CLPB: variants seen among roughly 807,000 people sequenced by gnomAD.
The protein encoded by CLPB is ClpB family mitochondrial disaggregase.
A neutral mutation model predicts 78.4 loss-of-function variants in CLPB; 40 were observed. The ratio of observed to expected loss-of-function variants is 0.51; its 90% CI spans 0.40 to 0.66. The LOEUF is 0.66. Ranked by LOEUF, CLPB falls within the 30% of genes least tolerant of loss-of-function variation. The pLI is 0.00. For synonymous variants in CLPB, 333 were observed against 348.0 expected (o/e 0.96, Z 0.48); for missense variants, 780 against 886.9 (o/e 0.88, Z 1.53).
At chr11:72,377,185 T>C (rs1399737002) in intron 4 of CLPB, among the ~76,000 whole-genome samples, 1 of 152,100 alleles carries the variant, frequency 6.6e-6, no homozygotes, top group Non-Finnish European at 1.5e-5. Context: ...GAATGGAGGA[T>C]GGAAAAGAAT....
intron 4 of CLPB, among the ~76,000 whole-genome samples, chr11:72,366,189 A>G (rs1301407129): frequency 6.6e-6 from 1 of 152,010 alleles, no homozygotes; most frequent in Non-Finnish European, 1.5e-5. Flanking sequence ...TCCAGAATCT[A>G]TAAGGAACTT....
At chr11:72,362,188 G>T (rs1174834477) in intron 4 of CLPB, among the ~76,000 whole-genome samples, 2 of 152,274 alleles carry the variant, frequency 1.3e-5, no homozygotes, top group South Asian at 4.2e-4. Flanking sequence ...ACAGCGCTAG[G>T]CCTCTGATTA....
At chr11:72,416,660 C>T (rs531597054) in intron 2 of CLPB, among the ~76,000 whole-genome samples, 42 of 147,420 alleles carry the variant, frequency 2.8e-4, no homozygotes, top group African/African-American at 1.0e-3. Flanking sequence ...CGCTTGAACC[C>T]GGGAGGCAGA....
chr11:72,427,233 T>C (rs1041235447), intron 2 of CLPB, among the ~76,000 whole-genome samples: 2 of 152,150 alleles, frequency 1.3e-5, no homozygotes, highest in African/African-American at 4.8e-5. Context: ...TATCCAGAAC[T>C]TTCCCAAGAC....
intron 4 of CLPB, among the ~76,000 whole-genome samples, chr11:72,372,753 T>C (rs1376157507): frequency 6.6e-6 from 1 of 152,244 alleles, no homozygotes; most frequent in Non-Finnish European, 1.5e-5. Context: ...TATTCTCATC[T>C]GAGTTTTTGC....
At chr11:72,309,334 T>A (rs937490019) in intron 7 of CLPB, among the ~76,000 whole-genome samples, 1 of 152,124 alleles carries the variant, frequency 6.6e-6, no homozygotes, top group Non-Finnish European at 1.5e-5. Context: ...AGGACGTATG[T>A]AATTAAGGGC....
intron 4 of CLPB, among the ~76,000 whole-genome samples, chr11:72,375,742 G>A (rs1854669233): frequency 6.6e-6 from 1 of 152,192 alleles, no homozygotes; most frequent in South Asian, 2.1e-4. Flanking sequence ...GCTAGACTAT[G>A]TATAATCATT....
intron 5 of CLPB, among the ~76,000 whole-genome samples, chr11:72,355,509 T>C (rs1950696433): frequency 6.6e-6 from 1 of 152,198 alleles, no homozygotes; most frequent in African/African-American, 2.4e-5. Flanking sequence ...GGGGCTTTCA[T>C]AAAAAATACC....
intron 6 of CLPB, among the ~76,000 whole-genome samples, chr11:72,321,139 G>A (rs1950036919): frequency 6.6e-6 from 1 of 152,102 alleles, no homozygotes; most frequent in Non-Finnish European, 1.5e-5. Context: ...GAGGAGCTTG[G>A]TAAGGGCTCT....
intron 6 of CLPB, among the ~76,000 whole-genome samples, chr11:72,324,068 A>C (rs1436081138): frequency 6.6e-6 from 1 of 152,114 alleles, no homozygotes; most frequent in Non-Finnish European, 1.5e-5. Context: ...ACTATCTCTA[A>C]AATTATGCAA....
At position 72,400,995 on chromosome 11, in the gene CLPB, G is replaced by C. The variant is rs981750674; in HGVS notation, c.542+1971C>G. ...AACACTAGCACAGGGCCTGGCTCAA[G>C]GCAGATATTTACCTAATGTTCATAG... On this transcript the variant is annotated intron_variant, in intron 3 of 15. Coordinates refer to ENST00000538039, the MANE Select transcript of CLPB (RefSeq NM_001258392.3). Among the ~76,000 whole-genome samples, 11 of 152,156 alleles carry C rather than the reference G, an allele frequency of 7.2e-5. 1 individual carries two copies. The highest frequency in any genetic ancestry group is 1.3e-4 in the Admixed American group (2 of 15,284).
chr11:72,294,274 A>T, intron 14 of CLPB, 51 bp downstream of exon 14: 1 of 1,613,916 alleles, frequency 6.2e-7, no homozygotes, highest in Non-Finnish European at 8.5e-7. Flanking sequence ...AGTGTTCCAG[A>T]TTTCCAGTGG....
Position 72,323,788 on chromosome 11 carries a change from A to C in CLPB, c.873+5919T>G, listed in dbSNP as rs77482813. ...TTAGGACAACTTGTGAGATAGGAAT[A>C]ACATCTGTAGATTAGTTAATATCAA... On this transcript the variant is annotated intron_variant, in intron 6 of 15. Transcript: ENST00000538039. Among the ~76,000 whole-genome samples the C allele has an allele frequency of 6.8e-3, 1,041 of 152,274 alleles. 4 individuals carry two copies. Among genetic ancestry groups the C allele is most frequent in the African/African-American group, 0.024 (992 of 41,550 alleles).
chr11:72,343,912 A>G (rs1300320038), intron 5 of CLPB, among the ~76,000 whole-genome samples: 1 of 152,194 alleles, frequency 6.6e-6, no homozygotes, highest in East Asian at 1.9e-4. Flanking sequence ...GGAGTTTAAA[A>G]AATACCTGCT....
chr11:72,328,591 A>G (rs962828145), intron 6 of CLPB, among the ~76,000 whole-genome samples: 1 of 152,140 alleles, frequency 6.6e-6, no homozygotes, highest in Non-Finnish European at 1.5e-5. Context: ...CAAGACAGAG[A>G]ATATTTGCCA....
At chr11:72,383,013 TA>T (rs1304038346) in intron 3 of CLPB, among the ~76,000 whole-genome samples, 68 of 151,836 alleles carry the variant, frequency 4.5e-4, no homozygotes, top group Admixed American at 4.4e-3. Context: ...AGATTGAAAT[TA>T]TTTTTTTAAA....
chr11:72,367,574 G>C (rs1381698070), intron 4 of CLPB, among the ~76,000 whole-genome samples: 1 of 152,130 alleles, frequency 6.6e-6, no homozygotes, highest in Non-Finnish European at 1.5e-5. Flanking sequence ...TGAGTACCCT[G>C]TTGGATGGCA....
rs911541557 is a variant in CLPB at position 72,434,064 on chromosome 11, A to G, written c.403+8T>C. The G allele has an allele frequency of 3.1e-6, 5 of 1,607,996 alleles. No individual in the cohort carries two copies. In the African/African-American group the frequency reaches 6.7e-5, roughly 21 times the overall value. ...TCTCCCTTCCTCAAACCCAGATCTCATAATCACCCTTGTTGGACGGACTCT... is the reference window on the plus strand; with the variant it reads ...TCTCCCTTCCTCAAACCCAGATCTCGTAATCACCCTTGTTGGACGGACTCT... On this transcript the variant is annotated splice_region_variant and intron_variant, in intron 1 of 15. Coordinates refer to ENST00000538039, the MANE Select transcript of CLPB (RefSeq NM_001258392.3).
At chr11:72,321,507 G>A (rs926632010) in intron 6 of CLPB, among the ~76,000 whole-genome samples, 1 of 152,234 alleles carries the variant, frequency 6.6e-6, no homozygotes, top group African/African-American at 2.4e-5. Flanking sequence ...TACAGGAAAG[G>A]GCTGGGAGGC....
Sources: gnomAD v4.1 joint callset for allele counts (sites outside exome capture counted in the v4.1 genomes callset) on GRCh38, gnomAD v4.1.1 for gene constraint, MANE v1.5 for transcripts, NCBI Gene and HGNC (gene_info 2026-07-23, HGNC 2026-07-21) for gene names.